The following USP37 variants were observed in gnomAD, a reference collection of about 807,000 sequenced individuals.
USP37 encodes ubiquitin carboxyl-terminal hydrolase 37.
A neutral mutation model predicts 124.0 loss-of-function variants in USP37; 27 were observed. The ratio of observed to expected loss-of-function variants is 0.22; its 90% CI spans 0.16 to 0.30. USP37 has a LOEUF of 0.30. USP37 is among the 10% of genes least tolerant of loss of function. USP37 has a pLI of 1.00. For missense variants in USP37, 889 were observed against 1,140.4 expected, an observed-to-expected ratio of 0.78 and a Z score of 3.17; for synonymous variants, 365 against 388.0, an observed-to-expected ratio of 0.94 and a Z score of 0.70.
intron 14 of USP37, among the ~76,000 whole-genome samples, chr2:218,494,850 G>C (rs1023638943): frequency 6.6e-6 from 1 of 152,004 alleles, no homozygotes; most frequent in East Asian, 1.9e-4. Context: ...CTGTAAATAC[G>C]GTTGAAAAAC....
In USP37 at chr2:218,482,062, G is replaced by T. The variant is rs1469291022; in HGVS notation, c.1835+8C>A. The T allele has an allele frequency of 1.9e-6, 3 of 1,601,094 alleles. No homozygotes were observed. Among genetic ancestry groups the T allele is most frequent in the East Asian group, 2.2e-5 (1 of 44,664 alleles). On this transcript the variant is annotated splice_region_variant and intron_variant, in intron 17 of 25. Transcript: ENST00000258399. ...GGAATATAAAGACATAGTCTCTCAA[G>T]GACTTACATTGCCATATGTGCACTC...
chr2:218,509,778 A>T, intron 11 of USP37, among the ~76,000 whole-genome samples: 1 of 152,290 alleles, frequency 6.6e-6, no homozygotes, highest in South Asian at 2.1e-4. Context: ...AATATTATAT[A>T]TATTCCAAAG....
chr2:218,546,003 A>G (rs536372386), intron 8 of USP37, among the ~76,000 whole-genome samples: 10 of 152,356 alleles, frequency 6.6e-5, no homozygotes, highest in African/African-American at 1.7e-4. Flanking sequence ...AAAAGGCAGG[A>G]TAAGAGAAAT....
chr2:218,528,723 C>A lies in USP37; in HGVS notation c.863+1233G>T, dbSNP rs554758921. ...ACTTTTTACATTTAAAACCATCAAC[C>A]CTTCTGTGCTGCACTGCATGATCAC... On this transcript the variant is annotated intron_variant, in intron 10 of 25. Transcript: ENST00000258399. 33 of 373,860 alleles carry A rather than the reference C, an allele frequency of 8.8e-5. 1 individual carries two copies. Among genetic ancestry groups the A allele is most frequent in the African/African-American group, 4.7e-4 (21 of 44,456 alleles). 23.2% of individuals were successfully genotyped at this position (373,860 alleles called of 1,614,324 possible).
chr2:218,547,583 C>CAAA (rs58787835), intron 6 of USP37, among the ~76,000 whole-genome samples: 5 of 71,602 alleles, frequency 7.0e-5, no homozygotes, highest in Admixed American at 1.5e-4. Context: ...AATTACTAAC[C>CAAA]AAAAAAAAAA....
intron 20 of USP37, among the ~76,000 whole-genome samples, chr2:218,470,576 CA>C (rs1447435114): frequency 3.3e-5 from 5 of 152,206 alleles, no homozygotes; most frequent in Non-Finnish European, 7.3e-5. Context: ...TCAGGCCATG[CA>C]AAAACCAGAG....
rs1689141938 is a variant in USP37, at chr2:218,497,469, CTA to C, written c.1281+263_1281+264del. ...AGTGCAGTGGTATGATCTTGGCTCA[CTA>C]CAACCTCTGCCTCCCGGGTTCAAGC... On this transcript the variant is annotated intron_variant, in intron 13 of 25. Coordinates refer to ENST00000258399, the MANE Select transcript of USP37 (RefSeq NM_020935.3). 9.2e-5 allele frequency among the ~76,000 whole-genome samples: 14 copies of C among 152,172 alleles called. No individual in the cohort carries two copies. In the South Asian group the frequency reaches 2.9e-3, roughly 32 times the overall value.
intron 10 of USP37, among the ~76,000 whole-genome samples, chr2:218,513,490 T>C (rs1467699059): frequency 1.3e-5 from 2 of 152,206 alleles, no homozygotes; most frequent in Admixed American, 6.5e-5. Context: ...AGAATTAAGA[T>C]AGTGAACATA....
At chr2:218,527,811 G>A (rs974490530) in intron 10 of USP37, among the ~76,000 whole-genome samples, 2 of 151,994 alleles carry the variant, frequency 1.3e-5, no homozygotes, top group African/African-American at 4.8e-5. Flanking sequence ...ACCACCCAAG[G>A]CTGAATATAC....
At chr2:218,460,595 A>G (rs1317541053) in intron 22 of USP37, among the ~76,000 whole-genome samples, 1 of 152,192 alleles carries the variant, frequency 6.6e-6, no homozygotes, top group Admixed American at 6.5e-5. Flanking sequence ...AACATAAATT[A>G]TCCTCACAGA....
chr2:218,524,841 C>T (rs1690866951), intron 10 of USP37, among the ~76,000 whole-genome samples: 1 of 152,154 alleles, frequency 6.6e-6, no homozygotes, highest in Non-Finnish European at 1.5e-5. Flanking sequence ...AACTCCTGAC[C>T]TCAGGTGATC....
intron 4 of USP37, among the ~76,000 whole-genome samples, chr2:218,555,205 G>A (rs913068679): frequency 1.3e-5 from 2 of 152,138 alleles, no homozygotes; most frequent in African/African-American, 2.4e-5. Context: ...TTCTCAGCAG[G>A]CATATATAAA....
chr2:218,476,531 C>T (rs932547405), intron 19 of USP37, among the ~76,000 whole-genome samples: 5 of 152,032 alleles, frequency 3.3e-5, no homozygotes, highest in African/African-American at 1.2e-4. Context: ...GCCGTGATTA[C>T]ACCACTGTAC....
chr2:218,487,277 G>A (rs551194696), intron 15 of USP37, among the ~76,000 whole-genome samples: 3 of 152,226 alleles, frequency 2.0e-5, no homozygotes, highest in South Asian at 2.1e-4. Flanking sequence ...AATAGGGTAC[G>A]TACAACCTAA....
At chr2:218,526,124 T>A (rs187606828) in intron 10 of USP37, among the ~76,000 whole-genome samples, 1 of 152,366 alleles carries the variant, frequency 6.6e-6, no homozygotes, top group East Asian at 1.9e-4. Flanking sequence ...GTCTTTGCTA[T>A]TGTGAATAGT....
intron 8 of USP37, among the ~76,000 whole-genome samples, chr2:218,538,547 C>T (rs1169402341): frequency 6.6e-6 from 1 of 152,158 alleles, no homozygotes; most frequent in Admixed American, 6.5e-5. Context: ...TTAGACATTC[C>T]GTTATTTCCA....
rs184270399 is a variant in USP37, at chr2:218,461,154, T to C, written c.2528-1249A>G. 1.1e-3 allele frequency among the ~76,000 whole-genome samples: 164 copies of C among 152,312 alleles called. 1 individual carries two copies. Among genetic ancestry groups the C allele is most frequent in the Non-Finnish European group, 3.1e-4 (21 of 68,020 alleles). On this transcript the variant is annotated intron_variant, in intron 22 of 25. Coordinates refer to ENST00000258399, the MANE Select transcript of USP37 (RefSeq NM_020935.3). The stretch of plus-strand genomic sequence containing the variant: ...CATTTGTACATAAATGGTTATTTGC[T>C]TTAATATATAATTAGCTCCACTAAA...
intron 18 of USP37, among the ~76,000 whole-genome samples, chr2:218,477,316 T>C (rs1402181889): frequency 6.6e-6 from 1 of 152,240 alleles, no homozygotes; most frequent in Non-Finnish European, 1.5e-5. Context: ...ATAAATGTTT[T>C]TGACAACAAA....
intron 20 of USP37, among the ~76,000 whole-genome samples, chr2:218,472,026 T>C (rs565669128): frequency 9.7e-5 from 12 of 124,148 alleles, no homozygotes; most frequent in Non-Finnish European, 1.7e-4. Flanking sequence ...AGAGACTTGG[T>C]CCGCCCCAGG....
Sources: allele counts gnomAD v4.1 joint callset (sites outside exome capture counted in the v4.1 genomes callset), GRCh38; gene constraint gnomAD v4.1.1; transcripts MANE v1.5; gene names NCBI Gene and HGNC (gene_info 2026-07-23, HGNC 2026-07-21).